PODNL1: variants seen among roughly 807,000 people sequenced by gnomAD.
PODNL1 encodes the protein podocan-like protein 1.
Under a neutral mutation model 45.1 loss-of-function variants are expected in PODNL1, and 50 were observed. The ratio of observed to expected loss-of-function variants is 1.11; its 90% CI spans 0.88 to 1.40. The LOEUF is 1.40. Ranked by LOEUF, PODNL1 falls within the 40% of genes most tolerant of loss-of-function variation. The probability of loss-of-function intolerance (pLI) is 0.00; values close to 1 mark genes in which losing one functional copy is unlikely to be tolerated. For missense variants in PODNL1, 788 were observed against 793.3 expected (o/e 0.99, Z 0.08); for synonymous variants, 406 against 372.5 (o/e 1.09, Z -1.04).
Position 13,933,895 on chromosome 19 carries a change from C to T in PODNL1, c.750G>A (p.Leu250=). ...LQHNQLTDSG[L]DATTFSKLHS... ...GCCTGTACCTGAAGGTGGTGGCATC[C>T]AGGCCACTGTCTGTCAGCTGGTTGT... Residue 250 remains leucine, a synonymous_variant, in exon 7 of 10, where the codon CTG becomes CTA. Coordinates refer to ENST00000588872, the MANE Select transcript of PODNL1 (RefSeq NM_001370095.3). The surrounding 1 kb of genome is among the most constrained non-coding windows in gnomAD (Gnocchi z 5.2). The T allele has an allele frequency of 6.2e-7, 1 of 1,609,402 alleles. No individual in the cohort carries two copies. Among genetic ancestry groups the T allele is most frequent in the East Asian group, 2.2e-5 (1 of 44,728 alleles).
At chr19:13,949,686 TTTTTTGGGTTTTGG>T in intron 1 of PODNL1, 1 of 151,858 alleles carries the variant, frequency 6.6e-6, no homozygotes. Flanking sequence ...TCCTCTAATG[TTTTTTGGGTTTTGG>T]GTTTTGGGTT....
intron 1 of PODNL1, among the ~76,000 whole-genome samples, chr19:13,951,469 CTACAAAAAA>C (rs1973026946): frequency 6.6e-6 from 1 of 151,522 alleles, no homozygotes. Context: ...AACTCCGTCC[CTACAAAAAA>C]TACAAAAAAT....
intron 8 of PODNL1, 173 bp downstream of exon 8, chr19:13,932,625 G>T: frequency 1.3e-6 from 2 of 1,506,606 alleles, no homozygotes; most frequent in African/African-American, 1.4e-5. Context: ...CAAAGTGCTG[G>T]GATTACAGGC....
chr19:13,933,320 G>C lies in PODNL1; in HGVS notation c.903C>G (p.His301Gln). 1 of 1,598,790 alleles carries C rather than the reference G, an allele frequency of 6.3e-7. No homozygotes were observed. The highest frequency in any genetic ancestry group is 8.5e-7 in the Non-Finnish European group (1 of 1,176,562). Residue 301 changes from histidine (H) to glutamine (Q), a missense_variant, in exon 8 of 10, where the codon CAC (histidine) becomes CAG (glutamine). Coordinates refer to ENST00000588872, the MANE Select transcript of PODNL1 (RefSeq NM_001370095.3). The surrounding 1 kb of genome is among the most constrained non-coding windows in gnomAD (Gnocchi z 5.2). ...ACAAATAGCGCAGACCACGCGCCCC[G>C]TGCAGCCGAGCCGCCTCCACCTGCC... The part of the protein sequence containing the change: ...RIRQVEAARL[H>Q]GARGLRYLLL...
chr19:13,939,339 G>A (rs1972569619), upstream of PODNL1, among the ~76,000 whole-genome samples: 1 of 152,192 alleles, frequency 6.6e-6, no homozygotes, highest in Non-Finnish European at 1.5e-5. Flanking sequence ...AGCCTCCCAA[G>A]TAGCTGGGAT....
At chr19:13,939,639 C>CA (rs1972583692), upstream of PODNL1, among the ~76,000 whole-genome samples, 1 of 152,082 alleles carries the variant, frequency 6.6e-6, no homozygotes, top group African/African-American at 2.4e-5. Context: ...GTAATCCCAG[C>CA]ACTTTGGGAG....
intron 1 of PODNL1, among the ~76,000 whole-genome samples, chr19:13,947,113 G>A (rs1013514459): frequency 7.1e-6 from 1 of 141,386 alleles, no homozygotes; most frequent in African/African-American, 2.6e-5. Context: ...AGGTTTCAGT[G>A]AGCCAAGATT....
intron 1 of PODNL1, chr19:13,952,383 G>A (rs1236448909): frequency 2.1e-5 from 24 of 1,169,136 alleles, no homozygotes; most frequent in Non-Finnish European, 7.5e-6. Flanking sequence ...TGGCTTTGAT[G>A]GACAGGCATA....
rs1389516571 is a variant in PODNL1 at position 13,931,442 on chromosome 19, G to A, written c.*295C>T. ...TTGTGGGGAGGAGTCCGTGGACAGA[G>A]CCCCCAAAGGGTGCCTGGTCCGTGC... On this transcript the variant is annotated 3_prime_UTR_variant, in exon 10 of 10. Coordinates refer to ENST00000588872, the MANE Select transcript of PODNL1 (RefSeq NM_001370095.3). 9.2e-6 allele frequency: 3 copies of A among 324,872 alleles called. No individual in the cohort carries two copies. Among genetic ancestry groups the A allele is most frequent in the African/African-American group, 2.1e-5 (1 of 47,068 alleles). 20.1% of individuals were successfully genotyped at this position (324,872 alleles called of 1,614,324 possible). A position where few individuals can be genotyped will look rare whatever the true frequency, so the allele number is the denominator to read the frequency against.
rs745422810 is a variant in PODNL1, at chr19:13,933,948, T to C, written c.697A>G (p.Thr233Ala). ...TGGAGGTAGAGCTCACGGAGTTGAG[T>C]CTGGCGGCTCAGGGCTCCTCGGGGC... ...KVPRGALSRQ[T>A]QLRELYLQHN... The change falls in exon 7 of 10, where the codon ACT (threonine) becomes GCT (alanine). Residue 233 changes from threonine (T) to alanine (A), a missense_variant. Thr to Ala is a moderately conservative substitution (Grantham distance 58). Around this residue, in one of 3 missense-constraint regions of PODNL1, gnomAD observed 762 missense variants for 750.9 expected, o/e 1.01. Transcript: ENST00000588872. This position sits in a 1 kb window ranked among gnomAD's most constrained non-coding sequence, Gnocchi z 5.2. The C allele has an allele frequency of 2.5e-6, 4 of 1,612,264 alleles. No homozygotes were observed. In the African/African-American group the frequency reaches 5.3e-5, roughly 22 times the overall value.
In PODNL1 at chr19:13,938,409, G is replaced by A; in HGVS notation, c.-228C>T. ...GCGGCCGGATGGGGTGGTGAGGACA[G>A]GCCAGCCCGTCCCCTTGGTCCCCCC... On this transcript the variant is annotated 5_prime_UTR_variant, in exon 1 of 10. Coordinates refer to ENST00000588872, the MANE Select transcript of PODNL1 (RefSeq NM_001370095.3). The A allele has an allele frequency of 7.5e-7, 1 of 1,340,340 alleles. No individual in the cohort carries two copies. The highest frequency in any genetic ancestry group is 9.6e-7 in the Non-Finnish European group (1 of 1,046,544). 83.0% of individuals were successfully genotyped at this position (1,340,340 alleles called of 1,614,324 possible). A position where few individuals can be genotyped will look rare whatever the true frequency, so the allele number is the denominator to read the frequency against.
chr19:13,941,363 CAAAA>C (rs775513538), upstream of PODNL1, among the ~76,000 whole-genome samples: 2 of 53,294 alleles, frequency 3.8e-5, no homozygotes, highest in Non-Finnish European at 4.0e-5. Flanking sequence ...GACTCCGTCT[CAAAA>C]AAAAAAAAAA....
intron 1 of PODNL1, chr19:13,953,058 C>T (rs1973153682): frequency 6.5e-7 from 1 of 1,544,700 alleles, no homozygotes; most frequent in South Asian, 1.2e-5. Flanking sequence ...TGGGCTTCCT[C>T]CGCCTGATGT....
intron 2 of PODNL1, 23 bp from the exon 3 acceptor site, chr19:13,936,483 T>G (rs373712735): frequency 6.3e-7 from 1 of 1,586,938 alleles, no homozygotes; most frequent in African/African-American, 1.3e-5. Context: ...AGTTGGGGTG[T>G]TCACACCCGT....
chr19:13,934,725 G>A lies in PODNL1; in HGVS notation c.495-315C>T, dbSNP rs1357801699. 2.6e-5 allele frequency among the ~76,000 whole-genome samples: 4 copies of A among 151,626 alleles called. No homozygotes were observed. The East Asian group carries it at 7.7e-4, about 29-fold the overall frequency. The stretch of plus-strand genomic sequence containing the variant: ...GTGTATGTGATTGTAAGAGTGTGTG[G>A]GCGTGCATGTGTGTATGTATATGCA... On this transcript the variant is annotated intron_variant, in intron 5 of 9. Transcript: ENST00000588872.
intron 1 of PODNL1, chr19:13,952,941 G>A (rs1028140737): frequency 3.4e-6 from 3 of 891,114 alleles, no homozygotes; most frequent in Middle Eastern, 3.4e-4. Flanking sequence ...AGGCCGCAGG[G>A]AGAATCAGGA....
chr19:13,953,052 C>T (rs1442155089), intron 1 of PODNL1: 2 of 1,536,394 alleles, frequency 1.3e-6, no homozygotes, highest in African/African-American at 1.4e-5. Flanking sequence ...TGGCTTTGGG[C>T]TTCCTCCGCC....
rs192129610 is a variant in PODNL1, at chr19:13,931,702, A to C, written c.*35T>G. ...TCAGTCCACGGCCCAGCGGAGTCCC[A>C]GGAGTCTGAGCTGCTCTGCTGGGCC... On this transcript the variant is annotated 3_prime_UTR_variant, in exon 10 of 10. Transcript: ENST00000588872. 61 of 1,231,632 alleles carry C rather than the reference A, an allele frequency of 5.0e-5. No individual in the cohort carries two copies. The highest frequency in any genetic ancestry group is 6.1e-5 in the Non-Finnish European group (60 of 987,882). The allele number at this position is 1,231,632 out of a possible 1,614,324, so 76.3% of individuals were successfully genotyped here.
chr19:13,951,905 C>A (rs944142737), intron 1 of PODNL1, among the ~76,000 whole-genome samples: 11 of 152,254 alleles, frequency 7.2e-5, no homozygotes, highest in Admixed American at 5.2e-4. Flanking sequence ...AAGCTCAGAA[C>A]CGTGTCTGTC....
Sources: gnomAD v4.1 joint callset for allele counts (sites outside exome capture counted in the v4.1 genomes callset) on GRCh38, gnomAD v4.1.1 for gene constraint, gnomAD v4.1.1 regional missense constraint, Gnocchi (gnomAD v3.1) non-coding constraint, MANE v1.5 for transcripts, NCBI Gene and HGNC (gene_info 2026-07-23, HGNC 2026-07-21) for gene names.